ZNF407: variants seen among roughly 807,000 people sequenced by gnomAD.
ZNF407 encodes the protein zinc finger protein 407.
Under a neutral mutation model 131.2 loss-of-function variants are expected in ZNF407, and 17 were observed. The ratio of observed to expected loss-of-function variants is 0.13; its 90% CI spans 0.09 to 0.19. The LOEUF is 0.19. Ranked by LOEUF, ZNF407 falls within the 10% of genes least tolerant of loss-of-function variation. The pLI is 1.00. For synonymous variants in ZNF407, 1,156 were observed against 1,062.0 expected (o/e 1.09, Z -1.72); for missense variants, 2,681 against 2,830.6 (o/e 0.95, Z 1.20).
At chr18:74,758,323 T>C (rs184359160) in intron 3 of ZNF407, among the ~76,000 whole-genome samples, 1 of 152,270 alleles carries the variant, frequency 6.6e-6, no homozygotes, top group African/African-American at 2.4e-5. Flanking sequence ...TATGTATGCA[T>C]GTGTGTGTAT....
intron 3 of ZNF407, among the ~76,000 whole-genome samples, chr18:74,662,930 G>A (rs8083945): frequency 0.62 from 93,912 of 152,054 alleles, 30,644 homozygotes; most frequent in East Asian, 0.81. Context: ...TGAGTATGCC[G>A]CATCAAACTG....
Position 75,040,439 on chromosome 18 carries a change from T to C in ZNF407, c.5429-22711T>C, listed in dbSNP as rs375198817. 4.1e-4 allele frequency among the ~76,000 whole-genome samples: 62 copies of C among 152,312 alleles called. No homozygotes were observed. The East Asian group carries it at 0.011, about 28-fold the overall frequency. ...TCTGTGTTCAAAATGGGGTGGAAGA[T>C]TCTGTCTTCCTCTAAATTTTATCAA... On this transcript the variant is annotated intron_variant, in intron 8 of 8. Transcript: ENST00000299687.
intron 7 of ZNF407, among the ~76,000 whole-genome samples, chr18:74,913,865 T>G (rs907704815): frequency 2.0e-5 from 3 of 152,180 alleles, no homozygotes; most frequent in African/African-American, 7.2e-5. Context: ...TAGAAGTACT[T>G]GTGGTGTTCT....
chr18:74,830,229 G>A (rs1254489958), intron 4 of ZNF407, among the ~76,000 whole-genome samples: 1 of 152,104 alleles, frequency 6.6e-6, no homozygotes, highest in African/African-American at 2.4e-5. Flanking sequence ...ATTTTGTTAC[G>A]GCAGCCCTAG....
chr18:74,646,986 A>G (rs764187915), intron 3 of ZNF407, among the ~76,000 whole-genome samples: 6 of 152,222 alleles, frequency 3.9e-5, no homozygotes, highest in Non-Finnish European at 7.3e-5. Context: ...ACCTATAACA[A>G]AATAGAAATA....
chr18:75,007,365 G>A (rs543874362), intron 8 of ZNF407, among the ~76,000 whole-genome samples: 1 of 152,070 alleles, frequency 6.6e-6, no homozygotes, highest in South Asian at 2.1e-4. Flanking sequence ...ACACACATGT[G>A]ACAAGTGTAA....
rs561422377 is a variant in ZNF407, at chr18:74,915,320, G to T, written c.5250-5194G>T. On this transcript the variant is annotated intron_variant, in intron 7 of 8. Coordinates refer to ENST00000299687, the MANE Select transcript of ZNF407 (RefSeq NM_017757.3). ...GATTAGTAAAGAGTGTTCGAATCGG[G>T]AGTGTGTGTGTGTGTGTGTGTGTGT... Among the ~76,000 whole-genome samples, 153 of 136,606 alleles carry T rather than the reference G, an allele frequency of 1.1e-3. 1 individual carries two copies. Among genetic ancestry groups the T allele is most frequent in the African/African-American group, 4.5e-3 (153 of 34,124 alleles). The allele number at this position is 136,606 out of a possible 152,430, so 89.6% of individuals were successfully genotyped here.
At chr18:74,964,430 A>C (rs1972385786) in intron 8 of ZNF407, among the ~76,000 whole-genome samples, 2 of 152,192 alleles carry the variant, frequency 1.3e-5, no homozygotes, top group African/African-American at 4.8e-5. Context: ...GAAAAATCTG[A>C]TGATAGTTTC....
intron 3 of ZNF407, among the ~76,000 whole-genome samples, chr18:74,644,391 T>A (rs1199852046): frequency 6.6e-6 from 1 of 151,854 alleles, no homozygotes; most frequent in Admixed American, 6.6e-5. Flanking sequence ...TAGTTAATGC[T>A]TTTATTTAAT....
chr18:74,926,590 G>A lies in ZNF407; in HGVS notation c.5428+5898G>A, dbSNP rs373482616. Among the ~76,000 whole-genome samples, 6 of 152,250 alleles carry A rather than the reference G, an allele frequency of 3.9e-5. No individual in the cohort carries two copies. The East Asian group carries it at 5.8e-4, about 15-fold the overall frequency. On this transcript the variant is annotated intron_variant, in intron 8 of 8. Coordinates refer to ENST00000299687, the MANE Select transcript of ZNF407 (RefSeq NM_017757.3). ...TGGCCAAGGCAAGCAATCACCTGACGTCAGGACTTCGAGACCAGCCTGGCC... is the reference window on the plus strand; with the variant it reads ...TGGCCAAGGCAAGCAATCACCTGACATCAGGACTTCGAGACCAGCCTGGCC...
At chr18:74,695,542 GA>G (rs577868036) in intron 3 of ZNF407, among the ~76,000 whole-genome samples, 1,790 of 126,532 alleles carry the variant, frequency 0.014, 22 homozygotes, top group South Asian at 0.03. Context: ...CTGATTTAAA[GA>G]AAAAAAAAAA....
At chr18:74,685,820 C>T (rs1967084677) in intron 3 of ZNF407, among the ~76,000 whole-genome samples, 1 of 152,170 alleles carries the variant, frequency 6.6e-6, no homozygotes, top group South Asian at 2.1e-4. Flanking sequence ...CTCTGTTGCC[C>T]CCATCTCAGT....
chr18:74,811,735 G>A (rs1970198299), intron 4 of ZNF407, among the ~76,000 whole-genome samples: 1 of 152,052 alleles, frequency 6.6e-6, no homozygotes, highest in African/African-American at 2.4e-5. Flanking sequence ...GGACATGGAT[G>A]AAATTGGAAA....
chr18:74,937,520 C>T (rs1972051987), intron 8 of ZNF407, among the ~76,000 whole-genome samples: 1 of 152,160 alleles, frequency 6.6e-6, no homozygotes, highest in South Asian at 2.1e-4. Context: ...TTAAATGTCA[C>T]CATCCCAAAA....
At chr18:74,851,547 G>A (rs144337684) in intron 4 of ZNF407, among the ~76,000 whole-genome samples, 255 of 152,350 alleles carry the variant, frequency 1.7e-3, no homozygotes, top group Middle Eastern at 0.014. Flanking sequence ...GAGGCTGTGC[G>A]TGAGGTGTGG....
In ZNF407 at chr18:74,953,292, G is replaced by C. The variant is rs79465674; in HGVS notation, c.5428+32600G>C. On this transcript the variant is annotated intron_variant, in intron 8 of 8. Transcript: ENST00000299687. ...ATCTGACTCCTCAGCCTGTGCTCTCGTCAGCTTGGCATGCCGCCTTCTGTG... is the reference window on the plus strand; with the variant it reads ...ATCTGACTCCTCAGCCTGTGCTCTCCTCAGCTTGGCATGCCGCCTTCTGTG... Among the ~76,000 whole-genome samples the C allele has an allele frequency of 2.7e-4, 41 of 152,260 alleles. No homozygotes were observed. The Middle Eastern group carries it at 0.01, about 38-fold the overall frequency.
intron 3 of ZNF407, among the ~76,000 whole-genome samples, chr18:74,673,309 G>A (rs936169037): frequency 3.3e-5 from 5 of 152,164 alleles, no homozygotes; most frequent in Non-Finnish European, 5.9e-5. Flanking sequence ...GAATCAAGGC[G>A]TCAACAGAGT....
chr18:74,647,233 A>C (rs1985013087), intron 3 of ZNF407, among the ~76,000 whole-genome samples: 2 of 152,114 alleles, frequency 1.3e-5, no homozygotes, highest in African/African-American at 2.4e-5. Flanking sequence ...GCTTGAGCCC[A>C]GGAATTTGAG....
chr18:74,903,134 T>C (rs1205590380), intron 7 of ZNF407, among the ~76,000 whole-genome samples: 1 of 152,220 alleles, frequency 6.6e-6, no homozygotes, highest in Non-Finnish European at 1.5e-5. Flanking sequence ...CCAAAAGTTG[T>C]TGTTTTAAAT....
Sources: gnomAD v4.1 joint callset for allele counts (sites outside exome capture counted in the v4.1 genomes callset) on GRCh38, gnomAD v4.1.1 for gene constraint, MANE v1.5 for transcripts, NCBI Gene and HGNC (gene_info 2026-07-23, HGNC 2026-07-21) for gene names.